SDK1: variants seen among roughly 807,000 people sequenced by gnomAD.
SDK1 encodes the protein sidekick cell adhesion molecule 1.
SDK1 carries 157 observed loss-of-function variants against 245.5 expected under a neutral mutation model. That is an observed-to-expected ratio of 0.64 (90% confidence interval 0.56 to 0.73). The LOEUF (loss-of-function observed/expected upper bound fraction) is 0.73, where lower values mean the gene tolerates loss of function less well. SDK1 is among the 30% of genes least tolerant of loss of function. The pLI is 0.00. For missense variants in SDK1, 3,583 were observed against 3,002.3 expected, an observed-to-expected ratio of 1.19 and a Z score of -4.52; for synonymous variants, 1,647 against 1,278.5, an observed-to-expected ratio of 1.29 and a Z score of -6.15.
At chr7:4,113,669 T>C (rs1783498518) in intron 24 of SDK1, among the ~76,000 whole-genome samples, 1 of 152,214 alleles carries the variant, frequency 6.6e-6, no homozygotes, top group South Asian at 2.1e-4. Context: ...AACTGAGGAA[T>C]ATTCCTTGGG....
At chr7:3,810,533 G>C (rs1464898558) in intron 4 of SDK1, among the ~76,000 whole-genome samples, 1 of 152,118 alleles carries the variant, frequency 6.6e-6, no homozygotes, top group Non-Finnish European at 1.5e-5. Context: ...CCCTGGATAA[G>C]TACAAATTGA....
chr7:4,121,579 T>C (rs1266491134), intron 25 of SDK1, among the ~76,000 whole-genome samples: 4 of 152,236 alleles, frequency 2.6e-5, no homozygotes, highest in Non-Finnish European at 4.4e-5. Context: ...TTAAACCTCT[T>C]TCCTTTATAA....
chr7:3,671,073 G>C (rs897781583), intron 4 of SDK1, among the ~76,000 whole-genome samples: 9 of 152,174 alleles, frequency 5.9e-5, no homozygotes, highest in African/African-American at 1.9e-4. Flanking sequence ...GGCCCTTGGA[G>C]GACTGGGACC....
chr7:3,963,507 A>G lies in SDK1; in HGVS notation c.1429+656A>G, dbSNP rs367596745. On this transcript the variant is annotated intron_variant, in intron 9 of 44. Transcript: ENST00000404826. ...TACACTCAGCCCCATGGCTACCTGG[A>G]TGTAACCAGTGGGTACACCCAGGCT... 2.2e-3 allele frequency among the ~76,000 whole-genome samples: 142 copies of G among 64,716 alleles called. 1 individual carries two copies. The highest frequency in any genetic ancestry group is 2.9e-3 in the Non-Finnish European group (105 of 36,198). The allele number at this position is 64,716 out of a possible 152,430, so 42.5% of individuals were successfully genotyped here.
chr7:3,984,084 T>C (rs781264263), intron 13 of SDK1, among the ~76,000 whole-genome samples: 2 of 152,222 alleles, frequency 1.3e-5, no homozygotes, highest in African/African-American at 2.4e-5. Flanking sequence ...CCGTTTTTGC[T>C]GTTGGGTGTG....
intron 28 of SDK1, among the ~76,000 whole-genome samples, chr7:4,136,828 G>C (rs564892641): frequency 6.6e-4 from 100 of 152,362 alleles, no homozygotes; most frequent in Non-Finnish European, 1.0e-3. Context: ...GGAGAATCAG[G>C]AGCTCCAGCA....
At chr7:3,670,132 A>G (rs915070605) in intron 4 of SDK1, among the ~76,000 whole-genome samples, 5 of 151,994 alleles carry the variant, frequency 3.3e-5, no homozygotes, top group South Asian at 2.1e-4. Flanking sequence ...TTGTTTCCCT[A>G]TGTTTATTTT....
At chr7:3,973,102 C>T (rs1013773567) in intron 12 of SDK1, among the ~76,000 whole-genome samples, 1 of 152,130 alleles carries the variant, frequency 6.6e-6, no homozygotes, top group Non-Finnish European at 1.5e-5. Flanking sequence ...GCCCCTTCCT[C>T]AGATGGAACT....
At chr7:3,313,447 G>C (rs1779595406) in intron 1 of SDK1, among the ~76,000 whole-genome samples, 1 of 152,118 alleles carries the variant, frequency 6.6e-6, no homozygotes, top group Non-Finnish European at 1.5e-5. Context: ...AAACAAAGTT[G>C]ATGATTAGTA....
At chr7:3,793,729 C>T (rs905904474) in intron 4 of SDK1, among the ~76,000 whole-genome samples, 1 of 151,964 alleles carries the variant, frequency 6.6e-6, no homozygotes. Flanking sequence ...ATGCAGTGTC[C>T]ACATTCACAG....
At chr7:3,981,435 G>T (rs1183729262) in intron 13 of SDK1, among the ~76,000 whole-genome samples, 4 of 151,444 alleles carry the variant, frequency 2.6e-5, no homozygotes, top group African/African-American at 7.3e-5. Flanking sequence ...TGAAAGAGAG[G>T]GTTGTACGTC....
intron 1 of SDK1, among the ~76,000 whole-genome samples, chr7:3,358,472 T>TC (rs1780867797): frequency 6.6e-6 from 1 of 152,110 alleles, no homozygotes. Context: ...TTTCTTTTTT[T>TC]CCCCCAGCTA....
intron 1 of SDK1, among the ~76,000 whole-genome samples, chr7:3,388,787 CACTA>C (rs148154616): frequency 0.046 from 6,979 of 152,160 alleles, 440 homozygotes; most frequent in African/African-American, 0.14. Flanking sequence ...ATTTCTGTCA[CACTA>C]AGTCAACGTG....
intron 4 of SDK1, among the ~76,000 whole-genome samples, chr7:3,809,382 A>G (rs1184259394): frequency 6.6e-6 from 1 of 152,178 alleles, no homozygotes; most frequent in Non-Finnish European, 1.5e-5. Context: ...TTACAGTTCA[A>G]CATGAGATTT....
rs569450135 is a variant in SDK1 at position 3,444,627 on chromosome 7, A to G, written c.298+142743A>G. Among the ~76,000 whole-genome samples, 19 of 152,180 alleles carry G rather than the reference A, an allele frequency of 1.2e-4. No homozygotes were observed. The East Asian group carries it at 3.7e-3, about 29-fold the overall frequency. On this transcript the variant is annotated intron_variant, in intron 1 of 44. Transcript: ENST00000404826. ...GTTAGTGTTCGCCTTAGATGGCCCC[A>G]CCTCTCTGTCCCCTCTCTCTAGCTA...
chr7:4,001,370 C>T (rs1785060642), intron 14 of SDK1, among the ~76,000 whole-genome samples: 1 of 152,206 alleles, frequency 6.6e-6, no homozygotes, highest in South Asian at 2.1e-4. Flanking sequence ...ATGGCTTCTC[C>T]AGCACATAGG....
chr7:3,572,325 A>G (rs949393759), intron 1 of SDK1, among the ~76,000 whole-genome samples: 14 of 152,142 alleles, frequency 9.2e-5, no homozygotes, highest in Non-Finnish European at 1.5e-4. Flanking sequence ...GTTCTAGGCA[A>G]AAACGCCTCA....
chr7:4,169,856 C>T (rs1213824763), intron 32 of SDK1, among the ~76,000 whole-genome samples: 1 of 152,168 alleles, frequency 6.6e-6, no homozygotes. Flanking sequence ...CTTAGAGCCA[C>T]CTCTTTGCAG....
At position 3,347,713 on chromosome 7, in the gene SDK1, T is replaced by C. The variant is rs574118416; in HGVS notation, c.298+45829T>C. Among the ~76,000 whole-genome samples the C allele has an allele frequency of 1.5e-4, 23 of 152,330 alleles. No homozygotes were observed. The East Asian group carries it at 3.7e-3, about 24-fold the overall frequency. On this transcript the variant is annotated intron_variant, in intron 1 of 44. Coordinates refer to ENST00000404826, the MANE Select transcript of SDK1 (RefSeq NM_152744.4). ...CTCCCCATGCCCTCAGAGGAAGTTA[T>C]GTTCTTCTGAACCTTCTGGGTACCA...
Sources: gnomAD v4.1 joint callset for allele counts (sites outside exome capture counted in the v4.1 genomes callset) on GRCh38, gnomAD v4.1.1 for gene constraint, MANE v1.5 for transcripts, NCBI Gene and HGNC (gene_info 2026-07-23, HGNC 2026-07-21) for gene names.